Variants in PTPRD observed in about 807,000 individuals in gnomAD.
PTPRD encodes receptor-type tyrosine-protein phosphatase delta.
Under a neutral mutation model 214.5 loss-of-function variants are expected in PTPRD, and 34 were observed. The ratio of observed to expected loss-of-function variants is 0.16; its 90% CI spans 0.12 to 0.21. The LOEUF (loss-of-function observed/expected upper bound fraction) is 0.21, where lower values mean the gene tolerates loss of function less well. PTPRD is among the 10% of genes least tolerant of loss of function. The probability of loss-of-function intolerance (pLI) is 1.00; values close to 1 mark genes in which losing one functional copy is unlikely to be tolerated. For synonymous variants in PTPRD, 1,128 were observed against 845.7 expected (o/e 1.33, Z -5.79); for missense variants, 2,545 against 2,398.7 (o/e 1.06, Z -1.27).
chr9:8,929,859 G>T (rs2098937116), intron 11 of PTPRD, among the ~76,000 whole-genome samples: 1 of 114,314 alleles, frequency 8.7e-6, no homozygotes, highest in Admixed American at 9.5e-5. Context: ...ATATATATGT[G>T]TATATACATG....
At chr9:10,540,508 T>A (rs907823679) in intron 2 of PTPRD, among the ~76,000 whole-genome samples, 4 of 152,162 alleles carry the variant, frequency 2.6e-5, no homozygotes, top group Non-Finnish European at 5.9e-5. Flanking sequence ...CCATGTATAA[T>A]TTGCTAAGTA....
intron 2 of PTPRD, among the ~76,000 whole-genome samples, chr9:10,575,699 A>T (rs2069058746): frequency 6.6e-6 from 1 of 152,098 alleles, no homozygotes; most frequent in African/African-American, 2.4e-5. Context: ...TCTAGGTCAT[A>T]TCTTCAAAAG....
intron 5 of PTPRD, among the ~76,000 whole-genome samples, chr9:9,831,635 G>T (rs1352063990): frequency 6.6e-6 from 1 of 151,944 alleles, no homozygotes; most frequent in African/African-American, 2.4e-5. Flanking sequence ...ACCTCTCAAT[G>T]TTCTTTACCT....
intron 12 of PTPRD, among the ~76,000 whole-genome samples, chr9:8,648,158 A>G (rs2096733397): frequency 6.6e-6 from 1 of 152,226 alleles, no homozygotes; most frequent in Admixed American, 6.5e-5. Flanking sequence ...CCAATGTTTG[A>G]GGGAAATTTG....
At chr9:10,296,991 C>T (rs2095694267) in intron 3 of PTPRD, among the ~76,000 whole-genome samples, 1 of 151,454 alleles carries the variant, frequency 6.6e-6, no homozygotes, top group Non-Finnish European at 1.5e-5. Context: ...CCATCCACTT[C>T]AAACAGTGCT....
intron 14 of PTPRD, among the ~76,000 whole-genome samples, chr9:8,579,738 T>C (rs769052094): frequency 1.3e-5 from 2 of 152,134 alleles, no homozygotes; most frequent in African/African-American, 4.8e-5. Context: ...ATGGGAAAGA[T>C]TTATCAGGTG....
At chr9:9,358,848 C>G (rs1181550117) in intron 9 of PTPRD, among the ~76,000 whole-genome samples, 1 of 151,306 alleles carries the variant, frequency 6.6e-6, no homozygotes, top group Non-Finnish European at 1.5e-5. Context: ...GTATAGGAAA[C>G]TCAAGGCGAG....
intron 7 of PTPRD, among the ~76,000 whole-genome samples, chr9:9,692,910 T>C (rs968409587): frequency 6.6e-6 from 1 of 152,046 alleles, no homozygotes; most frequent in Admixed American, 6.6e-5. Flanking sequence ...TTAATTTTTA[T>C]TTCTTTTTCA....
intron 12 of PTPRD, among the ~76,000 whole-genome samples, chr9:8,705,294 C>T (rs1476392279): frequency 6.6e-6 from 1 of 152,164 alleles, no homozygotes; most frequent in African/African-American, 2.4e-5. Context: ...CATCTTGGCT[C>T]ACTGCAACCT....
chr9:8,460,340 C>T (rs2134126002), intron 33 of PTPRD, 71 bp downstream of exon 33: 2 of 1,564,104 alleles, frequency 1.3e-6, no homozygotes, highest in Middle Eastern at 1.7e-4. Context: ...CTAAGGACAG[C>T]AGAACAATGA....
intron 9 of PTPRD, among the ~76,000 whole-genome samples, chr9:9,218,217 C>T (rs905437036): frequency 6.6e-6 from 1 of 152,278 alleles, no homozygotes; most frequent in East Asian, 1.9e-4. Context: ...TGTCAAACTT[C>T]TGTCTTGTTT....
At chr9:8,437,253 G>C (rs769422034) in intron 34 of PTPRD, 1 of 1,511,084 alleles carries the variant, frequency 6.6e-7, no homozygotes, top group Non-Finnish European at 8.8e-7. Context: ...CAAAGGAAAT[G>C]ATGGTGTAAA....
intron 2 of PTPRD, among the ~76,000 whole-genome samples, chr9:10,583,845 G>A (rs944376449): frequency 2.0e-5 from 3 of 152,204 alleles, no homozygotes; most frequent in Admixed American, 6.5e-5. Context: ...GTGTTATTTC[G>A]AAGGGCAGCT....
At chr9:8,841,876 T>G (rs543149725) in intron 11 of PTPRD, among the ~76,000 whole-genome samples, 1 of 152,090 alleles carries the variant, frequency 6.6e-6, no homozygotes, top group South Asian at 2.1e-4. Flanking sequence ...CCAGGTGTGG[T>G]GGCGGACACC....
intron 8 of PTPRD, among the ~76,000 whole-genome samples, chr9:9,539,899 G>C (rs1450526824): frequency 6.6e-6 from 1 of 151,822 alleles, no homozygotes; most frequent in Non-Finnish European, 1.5e-5. Flanking sequence ...TTTTCCAAAT[G>C]TGATACCATT....
intron 10 of PTPRD, among the ~76,000 whole-genome samples, chr9:9,120,960 C>G (rs1184770855): frequency 6.6e-6 from 1 of 152,156 alleles, no homozygotes; most frequent in Non-Finnish European, 1.5e-5. Context: ...TAATCACTCT[C>G]AGGAATTATT....
intron 5 of PTPRD, among the ~76,000 whole-genome samples, chr9:9,796,032 T>A (rs2099000278): frequency 6.6e-6 from 1 of 152,156 alleles, no homozygotes; most frequent in African/African-American, 2.4e-5. Context: ...AAGAAAAAGA[T>A]TCTTCTAAAT....
At chr9:10,245,963 A>T (rs2092013037) in intron 3 of PTPRD, among the ~76,000 whole-genome samples, 1 of 152,234 alleles carries the variant, frequency 6.6e-6, no homozygotes, top group African/African-American at 2.4e-5. Flanking sequence ...TTTCTATCCA[A>T]AAGCAAGAAT....
intron 11 of PTPRD, among the ~76,000 whole-genome samples, chr9:8,880,916 C>T (rs979061647): frequency 6.6e-6 from 1 of 151,994 alleles, no homozygotes; most frequent in Admixed American, 6.6e-5. Flanking sequence ...CTACCATGCC[C>T]GGCTTATTAA....
Sources: gnomAD v4.1 joint callset for allele counts (sites outside exome capture counted in the v4.1 genomes callset) on GRCh38, gnomAD v4.1.1 for gene constraint, MANE v1.5 for transcripts, NCBI Gene and HGNC (gene_info 2026-07-23, HGNC 2026-07-21) for gene names.